Variants in RAI2 observed in about 807,000 individuals in gnomAD.
RAI2 encodes the protein retinoic acid-induced protein 2.
Under a neutral mutation model 15.3 loss-of-function variants are expected in RAI2, and 5 were observed. That is an observed-to-expected ratio of 0.33 (90% CI 0.17 to 0.69). The LOEUF is 0.69. Ranked by LOEUF, RAI2 falls within the 30% of genes least tolerant of loss-of-function variation. The pLI is 0.69. For missense variants in RAI2, 424 were observed against 424.7 expected, an observed-to-expected ratio of 1.00 and a Z score of 0.01; for synonymous variants, 191 against 184.0, an observed-to-expected ratio of 1.04 and a Z score of -0.31.
chrX:17,854,133 T>C (rs746664863), intron 1 of RAI2, among the ~76,000 whole-genome samples: 1 of 112,385 alleles, frequency 8.9e-6, no homozygotes, highest in East Asian at 2.8e-4. Context: ...GAATCTTTCC[T>C]TGTATTTACT....
Position 17,840,974 on chromosome X carries a change from T to C in RAI2, c.-25+20124A>G, listed in dbSNP as rs777556401. ...AACCAGCAATCACTACCGTAGTGAATTAGAGAGGGAAACAAATCCCTATGA... is the reference window on the plus strand; with the variant it reads ...AACCAGCAATCACTACCGTAGTGAACTAGAGAGGGAAACAAATCCCTATGA... On this transcript the variant is annotated intron_variant, in intron 1 of 1. Coordinates refer to ENST00000451717, the MANE Select transcript of RAI2 (RefSeq NM_021785.6). Among the ~76,000 whole-genome samples the C allele has an allele frequency of 2.1e-4, 24 of 112,046 alleles. No homozygotes were observed. The South Asian group carries it at 9.1e-3, about 42-fold the overall frequency.
chrX:17,833,230 A>G (rs755784114), intron 1 of RAI2, among the ~76,000 whole-genome samples: 13 of 112,082 alleles, frequency 1.2e-4, no homozygotes, highest in Non-Finnish European at 2.1e-4. Context: ...TACACTTCAT[A>G]TGAATTTCGG....
At chrX:17,821,873 G>A (rs901616678) in intron 1 of RAI2, among the ~76,000 whole-genome samples, 1 of 110,319 alleles carries the variant, frequency 9.1e-6, no homozygotes, top group Non-Finnish European at 1.9e-5. Flanking sequence ...ATGCCTCCAA[G>A]CAGCTTTCAG....
intron 1 of RAI2, among the ~76,000 whole-genome samples, chrX:17,826,093 C>T (rs975767075): frequency 1.8e-5 from 2 of 112,801 alleles, no homozygotes; most frequent in African/African-American, 6.5e-5. Context: ...CCAAGCCCTA[C>T]AAAGCCCTAT....
At position 17,800,375 on chromosome X, in the gene RAI2, C is replaced by G. The variant is rs758306900; in HGVS notation, c.*43G>C. ...ATGCCTTTTTATAAAACCAATGCAC[C>G]TTTCCCCATATTATAATCATACAAA... is the stretch of plus-strand genomic sequence containing the variant. On this transcript the variant is annotated 3_prime_UTR_variant, in exon 2 of 2. Coordinates refer to ENST00000451717, the MANE Select transcript of RAI2 (RefSeq NM_021785.6). 7.9e-6 allele frequency: 9 copies of G among 1,132,515 alleles called. No homozygotes were observed. Among genetic ancestry groups the G allele is most frequent in the African/African-American group, 1.8e-5 (1 of 54,435 alleles). 93.3% of individuals were successfully genotyped at this position (1,132,515 alleles called of 1,213,427 possible).
intron 1 of RAI2, among the ~76,000 whole-genome samples, chrX:17,809,288 G>A (rs1162378957): frequency 2.7e-5 from 3 of 111,645 alleles, no homozygotes; most frequent in African/African-American, 9.8e-5. Context: ...ATTGCAACTG[G>A]GACTAAACTT....
chrX:17,824,617 A>T (rs1363735422), intron 1 of RAI2, among the ~76,000 whole-genome samples: 3 of 111,849 alleles, frequency 2.7e-5, no homozygotes, highest in South Asian at 3.8e-4. Context: ...CAGCCCCCCT[A>T]GGATGAGTTA....
intron 1 of RAI2, among the ~76,000 whole-genome samples, chrX:17,824,375 G>A (rs1425444056): frequency 8.9e-6 from 1 of 112,206 alleles, no homozygotes; most frequent in Non-Finnish European, 1.9e-5. Flanking sequence ...ACGGGGAGGC[G>A]AGAGAGGGGC....
At chrX:17,854,641 C>T (rs1031462384) in intron 1 of RAI2, among the ~76,000 whole-genome samples, 3 of 112,226 alleles carry the variant, frequency 2.7e-5, no homozygotes, top group South Asian at 3.7e-4. Context: ...ACAATAAAAA[C>T]GCCCAAACAC....
chrX:17,847,450 A>G (rs1186303549), intron 1 of RAI2, among the ~76,000 whole-genome samples: 1 of 113,261 alleles, frequency 8.8e-6, no homozygotes, highest in Non-Finnish European at 1.9e-5. Context: ...AAGGCACACA[A>G]GACCCATTAT....
At chrX:17,803,092 C>A (rs2066936290) in intron 1 of RAI2, among the ~76,000 whole-genome samples, 1 of 111,498 alleles carries the variant, frequency 9.0e-6, no homozygotes. Flanking sequence ...AGGCCTTGGG[C>A]AACTGAGATT....
At chrX:17,828,855 C>T (rs2067253196) in intron 1 of RAI2, among the ~76,000 whole-genome samples, 1 of 111,443 alleles carries the variant, frequency 9.0e-6, no homozygotes, top group Non-Finnish European at 1.9e-5. Flanking sequence ...ATGTGTAAAA[C>T]GGGGTTTGAG....
At chrX:17,847,473 G>A (rs1334405215) in intron 1 of RAI2, among the ~76,000 whole-genome samples, 2 of 113,150 alleles carry the variant, frequency 1.8e-5, no homozygotes. Context: ...TGTGGGCCCT[G>A]CCCACCTTTT....
intron 1 of RAI2, among the ~76,000 whole-genome samples, chrX:17,846,700 G>C (rs2067462808): frequency 9.0e-6 from 1 of 111,274 alleles, no homozygotes; most frequent in South Asian, 3.9e-4. Context: ...GCTGCAGGGG[G>C]AGGGGAGGCC....
At chrX:17,820,823 G>A (rs1364234734) in intron 1 of RAI2, among the ~76,000 whole-genome samples, 4 of 110,715 alleles carry the variant, frequency 3.6e-5, no homozygotes. Flanking sequence ...AAGGGTCTTT[G>A]CAGATTGTCT....
In RAI2 at chrX:17,844,943, T is replaced by C. The variant is rs4825253; in HGVS notation, c.-25+16155A>G. On this transcript the variant is annotated intron_variant, in intron 1 of 1. Transcript: ENST00000451717. Reference sequence around the variant, plus strand: ...TCCACAAATAAAAATTTGTGTTAGATAATTTTTAACACATCTCCCATCCAT... The same window carrying C: ...TCCACAAATAAAAATTTGTGTTAGACAATTTTTAACACATCTCCCATCCAT... 3.6e-5 allele frequency among the ~76,000 whole-genome samples: 4 copies of C among 112,497 alleles called. No individual in the cohort carries two copies. In the Admixed American group the frequency reaches 3.8e-4, roughly 11 times the overall value.
chrX:17,850,941 A>C (rs973968256), intron 1 of RAI2, among the ~76,000 whole-genome samples: 1 of 112,962 alleles, frequency 8.9e-6, no homozygotes, highest in African/African-American at 3.2e-5. Flanking sequence ...CTGCATTTTC[A>C]CTTTTCTTCC....
intron 1 of RAI2, among the ~76,000 whole-genome samples, chrX:17,838,317 A>G (rs180905834): frequency 9.7e-4 from 109 of 112,185 alleles, no homozygotes; most frequent in Middle Eastern, 4.7e-3. Context: ...CTGTGACTTT[A>G]CTGTATGTGT....
rs747374719 is a variant in RAI2 at position 17,801,942 on chromosome X, G to C, written c.69C>G (p.Asn23Lys). ...MTDSPPALAN[N>K]RLENGMAQLI... ...GCTGAGCCATGCCATTCTCCAGTCT[G>C]TTATTAGCCAAGGCAGGAGGGGAGT... Residue 23 changes from asparagine (N) to lysine (K), a missense_variant, in exon 2 of 2, where the codon AAC becomes AAG. Coordinates refer to ENST00000451717, the MANE Select transcript of RAI2 (RefSeq NM_021785.6). 1 of 1,211,595 alleles carries C rather than the reference G, an allele frequency of 8.3e-7. No homozygotes were observed. Among genetic ancestry groups the C allele is most frequent in the African/African-American group, 1.7e-5 (1 of 57,804 alleles).
Sources: gnomAD v4.1 joint callset for allele counts (sites outside exome capture counted in the v4.1 genomes callset) on GRCh38, gnomAD v4.1.1 for gene constraint, MANE v1.5 for transcripts, NCBI Gene and HGNC (gene_info 2026-07-23, HGNC 2026-07-21) for gene names.